Variants in TCF12 observed in about 807,000 individuals in gnomAD.
TCF12 encodes DNA-binding protein HTF4.
TCF12 carries 45 observed loss-of-function variants against 86.0 expected under a neutral mutation model. The ratio of observed to expected loss-of-function variants is 0.52; its 90% CI spans 0.41 to 0.67. The LOEUF (loss-of-function observed/expected upper bound fraction) is 0.67. TCF12 is among the 30% of genes least tolerant of loss of function. TCF12 has a pLI of 0.00. For synonymous variants in TCF12, 330 were observed against 299.6 expected (o/e 1.10, Z -1.05); for missense variants, 881 against 859.9 (o/e 1.02, Z -0.31).
chr15:56,945,993 T>A (rs1046371869), intron 3 of TCF12, among the ~76,000 whole-genome samples: 1 of 152,192 alleles, frequency 6.6e-6, no homozygotes, highest in Non-Finnish European at 1.5e-5. Context: ...GCTAGCACCT[T>A]AATGTTGGAC....
At chr15:56,934,479 A>G (rs1269414811) in intron 3 of TCF12, among the ~76,000 whole-genome samples, 11 of 152,184 alleles carry the variant, frequency 7.2e-5, no homozygotes, top group African/African-American at 2.7e-4. Flanking sequence ...ACTTAGTCAT[A>G]TCCATGAATG....
intron 12 of TCF12, among the ~76,000 whole-genome samples, chr15:57,243,157 A>T (rs1031267826): frequency 1.1e-4 from 17 of 152,210 alleles, no homozygotes; most frequent in African/African-American, 3.4e-4. Flanking sequence ...TTCTAGAAAG[A>T]TTGTCAGATT....
At chr15:57,211,543 C>G (rs950744928) in intron 8 of TCF12, among the ~76,000 whole-genome samples, 2 of 152,218 alleles carry the variant, frequency 1.3e-5, no homozygotes, top group South Asian at 2.1e-4. Context: ...CTTTTGGACT[C>G]TTGTCTTAGA....
At chr15:57,036,618 A>G (rs1374009083) in intron 3 of TCF12, among the ~76,000 whole-genome samples, 6 of 152,102 alleles carry the variant, frequency 3.9e-5, no homozygotes, top group African/African-American at 1.4e-4. Context: ...TTGAACGTCT[A>G]TTTTATGTGC....
chr15:57,260,015 C>A (rs1043452408), intron 16 of TCF12, among the ~76,000 whole-genome samples: 9 of 152,174 alleles, frequency 5.9e-5, no homozygotes, highest in African/African-American at 1.7e-4. Context: ...ATGAAAAACT[C>A]CAGACTTCAA....
At chr15:57,107,846 C>A (rs953556732) in intron 5 of TCF12, among the ~76,000 whole-genome samples, 5 of 152,056 alleles carry the variant, frequency 3.3e-5, no homozygotes, top group Non-Finnish European at 5.9e-5. Flanking sequence ...AATTGAAGAC[C>A]GCAGTGAGCG....
intron 8 of TCF12, among the ~76,000 whole-genome samples, chr15:57,201,917 G>C (rs1308642056): frequency 6.6e-6 from 1 of 152,098 alleles, no homozygotes; most frequent in Non-Finnish European, 1.5e-5. Flanking sequence ...TCTGGGTGGG[G>C]ATTTGGGGCA....
chr15:57,028,255 C>T (rs2065941154), intron 3 of TCF12, among the ~76,000 whole-genome samples: 1 of 151,804 alleles, frequency 6.6e-6, no homozygotes, highest in Middle Eastern at 3.2e-3. Context: ...GCCACCGCGC[C>T]CGACTGAAAC....
chr15:57,281,537 C>G (rs1432872724), intron 19 of TCF12: 1 of 152,210 alleles, frequency 6.6e-6, no homozygotes, highest in Admixed American at 6.5e-5. Context: ...GAGCAGAGAG[C>G]AATCCAGCAA....
intron 5 of TCF12, among the ~76,000 whole-genome samples, chr15:57,165,846 T>G (rs2054853145): frequency 6.6e-6 from 1 of 151,842 alleles, no homozygotes; most frequent in South Asian, 2.1e-4. Context: ...CAATACTGTA[T>G]TAATTTTTGA....
At chr15:57,181,128 T>C (rs2056321102) in intron 6 of TCF12, among the ~76,000 whole-genome samples, 1 of 152,160 alleles carries the variant, frequency 6.6e-6, no homozygotes, top group East Asian at 1.9e-4. Flanking sequence ...CTAATAATTT[T>C]TGACCTACGG....
intron 17 of TCF12, 76 bp from the exon 18 acceptor site, chr15:57,263,036 A>G (rs2060660694): frequency 2.7e-6 from 4 of 1,458,134 alleles, no homozygotes; most frequent in South Asian, 2.8e-5. Flanking sequence ...CCAGCTAGAA[A>G]GCTTTTTATT....
At chr15:57,100,151 G>A (rs886781677) in intron 5 of TCF12, among the ~76,000 whole-genome samples, 3 of 152,128 alleles carry the variant, frequency 2.0e-5, no homozygotes, top group African/African-American at 7.2e-5. Context: ...TTCTAACCAA[G>A]TGAACATGAA....
intron 5 of TCF12, among the ~76,000 whole-genome samples, chr15:57,154,763 C>T (rs908498252): frequency 6.6e-6 from 1 of 152,060 alleles, no homozygotes; most frequent in Non-Finnish European, 1.5e-5. Context: ...TGAAAGTATC[C>T]AAAAGTTTCC....
At chr15:57,121,378 G>A (rs1366017831) in intron 5 of TCF12, among the ~76,000 whole-genome samples, 2 of 152,190 alleles carry the variant, frequency 1.3e-5, no homozygotes, top group African/African-American at 4.8e-5. Context: ...GCCATGGTTT[G>A]AATGATGGTA....
intron 3 of TCF12, among the ~76,000 whole-genome samples, chr15:56,961,773 A>G (rs192668611): frequency 6.6e-6 from 1 of 152,244 alleles, no homozygotes; most frequent in East Asian, 1.9e-4. Flanking sequence ...ATGACATTTT[A>G]GTTTGTTGTA....
intron 8 of TCF12, among the ~76,000 whole-genome samples, chr15:57,203,297 T>C (rs1232623635): frequency 1.3e-5 from 2 of 152,236 alleles, no homozygotes; most frequent in African/African-American, 4.8e-5. Flanking sequence ...TGAACATCTT[T>C]ATGGCCCTCT....
chr15:57,231,592 A>G (rs1252640568), intron 9 of TCF12, among the ~76,000 whole-genome samples: 7 of 152,204 alleles, frequency 4.6e-5, no homozygotes, highest in African/African-American at 1.7e-4. Flanking sequence ...TTATGGATTC[A>G]TATCATGCCT....
In TCF12 at chr15:57,217,354, C is replaced by A. The variant is rs1392434378; in HGVS notation, c.580-13798C>A. 2.0e-5 allele frequency among the ~76,000 whole-genome samples: 3 copies of A among 152,006 alleles called. No homozygotes were observed. In the South Asian group the frequency reaches 6.2e-4, roughly 32 times the overall value. On this transcript the variant is annotated intron_variant, in intron 8 of 20. Transcript: ENST00000333725. ...TTTTTTATCTGAATGTATGTTTATT[C>A]TCTTCAGATTATCATATAATTGCCT...
Sources: gnomAD v4.1 joint callset for allele counts (sites outside exome capture counted in the v4.1 genomes callset) on GRCh38, gnomAD v4.1.1 for gene constraint, MANE v1.5 for transcripts, NCBI Gene and HGNC (gene_info 2026-07-23, HGNC 2026-07-21) for gene names.